Variants in RORA observed in about 807,000 individuals in gnomAD.
The protein encoded by RORA is nuclear receptor ROR-alpha.
A neutral mutation model predicts 69.5 loss-of-function variants in RORA; 7 were observed. The ratio of observed to expected loss-of-function variants is 0.10; its 90% CI spans 0.06 to 0.19. The LOEUF (loss-of-function observed/expected upper bound fraction) is 0.19. RORA is among the 10% of genes least tolerant of loss of function. RORA has a pLI of 1.00. For missense variants in RORA, 457 were observed against 663.0 expected (o/e 0.69, Z 3.41); for synonymous variants, 261 against 240.8 (o/e 1.08, Z -0.78).
chr15:61,012,836 G>C lies in RORA; in HGVS notation c.166+216217C>G, dbSNP rs996197828. Among the ~76,000 whole-genome samples the C allele has an allele frequency of 6.6e-5, 10 of 152,246 alleles. No homozygotes were observed. In the South Asian group the frequency reaches 2.1e-3, roughly 32 times the overall value. ...GTCTAATTTTTGTAATTTTTGTAGA[G>C]ATGGAGTTTCACCATGTTGCCCAGG... On this transcript the variant is annotated intron_variant, in intron 1 of 10. Transcript: ENST00000335670.
At chr15:60,910,424 C>T (rs556584400) in intron 1 of RORA, among the ~76,000 whole-genome samples, 11 of 152,256 alleles carry the variant, frequency 7.2e-5, no homozygotes, top group South Asian at 2.1e-4. Context: ...TAGCCATCTG[C>T]GGTATCTTTT....
At chr15:61,095,590 G>A (rs1371121393) in intron 1 of RORA, among the ~76,000 whole-genome samples, 1 of 152,248 alleles carries the variant, frequency 6.6e-6, no homozygotes, top group African/African-American at 2.4e-5. Context: ...TATGGAGAAT[G>A]AGGTTGTGCA....
intron 1 of RORA, among the ~76,000 whole-genome samples, chr15:61,207,297 C>G (rs2079951404): frequency 6.6e-6 from 1 of 152,176 alleles, no homozygotes; most frequent in Non-Finnish European, 1.5e-5. Context: ...ACAGGACGTG[C>G]TAGCCAAGGA....
intron 2 of RORA, among the ~76,000 whole-genome samples, chr15:60,611,467 G>A (rs916837124): frequency 7.0e-6 from 1 of 143,556 alleles, no homozygotes; most frequent in Non-Finnish European, 1.5e-5. Flanking sequence ...ATATGAAAAT[G>A]CATCTTTTTA....
intron 1 of RORA, among the ~76,000 whole-genome samples, chr15:60,917,883 C>A (rs1057174371): frequency 2.4e-4 from 36 of 152,198 alleles, no homozygotes; most frequent in African/African-American, 8.2e-4. Flanking sequence ...AGTGACAAAG[C>A]GTGACAGCGT....
chr15:60,695,795 A>G (rs2070895479), intron 1 of RORA, among the ~76,000 whole-genome samples: 1 of 152,054 alleles, frequency 6.6e-6, no homozygotes, highest in African/African-American at 2.4e-5. Context: ...ATGGCTCGAG[A>G]AAGTACACGG....
chr15:61,149,521 C>A (rs968467621), intron 1 of RORA, among the ~76,000 whole-genome samples: 2 of 152,122 alleles, frequency 1.3e-5, no homozygotes, highest in African/African-American at 4.8e-5. Context: ...TATTGCCTTT[C>A]CTATCTCCCT....
chr15:60,551,949 C>T (rs191412798), intron 2 of RORA, among the ~76,000 whole-genome samples: 96 of 152,336 alleles, frequency 6.3e-4, no homozygotes, highest in Middle Eastern at 6.8e-3. Context: ...AAACAATTCA[C>T]TTGGGAAGAG....
chr15:60,662,988 G>T lies in RORA; in HGVS notation c.196+15669C>A, dbSNP rs1473424777. 2.0e-5 allele frequency among the ~76,000 whole-genome samples: 3 copies of T among 152,184 alleles called. No homozygotes were observed. The East Asian group carries it at 5.8e-4, about 29-fold the overall frequency. On this transcript the variant is annotated intron_variant, in intron 2 of 10. Transcript: ENST00000335670. ...CAAGGTTATGCCCTTAGGTGCAGCT[G>T]GCACCCAATGGCTGCCTGATGCAGA... is the stretch of plus-strand genomic sequence containing the variant.
At chr15:61,055,251 T>A (rs1309666346) in intron 1 of RORA, among the ~76,000 whole-genome samples, 1 of 152,220 alleles carries the variant, frequency 6.6e-6, no homozygotes, top group African/African-American at 2.4e-5. Flanking sequence ...TTCGAATTTA[T>A]TTTTTGGTGT....
At chr15:61,132,673 C>G (rs2079201761) in intron 1 of RORA, among the ~76,000 whole-genome samples, 1 of 152,180 alleles carries the variant, frequency 6.6e-6, no homozygotes. Context: ...AGCTTTTACA[C>G]AGATTCTAAG....
chr15:60,503,493 A>G (rs2065396261), intron 7 of RORA, 42 bp downstream of exon 7: 1 of 1,602,394 alleles, frequency 6.2e-7, no homozygotes, highest in African/African-American at 1.3e-5. Flanking sequence ...GGGTGAAAGC[A>G]GGTTAGGAAG....
chr15:60,522,151 G>A (rs1451624220), intron 3 of RORA, among the ~76,000 whole-genome samples: 1 of 152,140 alleles, frequency 6.6e-6, no homozygotes, highest in Non-Finnish European at 1.5e-5. Context: ...CACATTAACT[G>A]ATGCATTCCT....
intron 2 of RORA, among the ~76,000 whole-genome samples, chr15:60,608,970 G>A (rs903343290): frequency 6.6e-6 from 1 of 152,072 alleles, no homozygotes; most frequent in Non-Finnish European, 1.5e-5. Context: ...AAGGGCCCCC[G>A]TGTCTATCAT....
At chr15:61,074,839 C>A (rs937872999) in intron 1 of RORA, among the ~76,000 whole-genome samples, 23 of 152,196 alleles carry the variant, frequency 1.5e-4, no homozygotes, top group Admixed American at 1.2e-3. Flanking sequence ...GTAATCCCAG[C>A]AATTTGGGAG....
intron 2 of RORA, among the ~76,000 whole-genome samples, chr15:60,623,230 T>C (rs749646333): frequency 2.0e-5 from 3 of 152,138 alleles, no homozygotes; most frequent in Non-Finnish European, 2.9e-5. Flanking sequence ...GCCCAAAAGA[T>C]GTTGCTTGCC....
chr15:60,685,943 A>C (rs2070740246), intron 1 of RORA, among the ~76,000 whole-genome samples: 1 of 152,206 alleles, frequency 6.6e-6, no homozygotes, highest in Non-Finnish European at 1.5e-5. Context: ...CTGTTTCGGC[A>C]ATAATATTTC....
At chr15:60,810,241 T>G (rs2140366429) in intron 1 of RORA, among the ~76,000 whole-genome samples, 1 of 152,318 alleles carries the variant, frequency 6.6e-6, no homozygotes, top group African/African-American at 2.4e-5. Context: ...AGATAGAGAA[T>G]TCTACACTGG....
chr15:60,909,152 G>A (rs1297361977), intron 1 of RORA, among the ~76,000 whole-genome samples: 2 of 152,178 alleles, frequency 1.3e-5, no homozygotes, highest in South Asian at 2.1e-4. Context: ...GGTCCCAGCG[G>A]TGAGCATAAC....
Sources: allele counts gnomAD v4.1 joint callset (sites outside exome capture counted in the v4.1 genomes callset), GRCh38; gene constraint gnomAD v4.1.1; transcripts MANE v1.5; gene names NCBI Gene and HGNC (gene_info 2026-07-23, HGNC 2026-07-21).